Variants in NR1H4 observed in about 807,000 individuals in gnomAD.
NR1H4 encodes the protein bile acid receptor.
Under a neutral mutation model 58.5 loss-of-function variants are expected in NR1H4, and 23 were observed. That is an observed-to-expected ratio of 0.39 (90% CI 0.28 to 0.56). NR1H4 has a LOEUF of 0.56. Ranked by LOEUF, NR1H4 falls within the 20% of genes least tolerant of loss-of-function variation. The probability of loss-of-function intolerance (pLI) is 0.58; values close to 1 mark genes in which losing one functional copy is unlikely to be tolerated. For synonymous variants in NR1H4, 214 were observed against 198.0 expected (o/e 1.08, Z -0.68); for missense variants, 487 against 576.9 (o/e 0.84, Z 1.60).
intron 9 of NR1H4, among the ~76,000 whole-genome samples, chr12:100,559,402 G>A (rs1253503520): frequency 6.6e-6 from 1 of 152,218 alleles, no homozygotes. Context: ...AGCGGGAACC[G>A]GGGCTGCGTG....
At chr12:100,497,075 A>G (rs1463160634) in intron 3 of NR1H4, among the ~76,000 whole-genome samples, 1 of 152,148 alleles carries the variant, frequency 6.6e-6, no homozygotes, top group African/African-American at 2.4e-5. Flanking sequence ...GGGAAAACCA[A>G]AGAGGTCAGT....
chr12:100,543,222 C>T (rs1039236309), intron 9 of NR1H4, among the ~76,000 whole-genome samples: 3 of 152,008 alleles, frequency 2.0e-5, no homozygotes, highest in Non-Finnish European at 4.4e-5. Context: ...TTGAGGGTTA[C>T]ATTAAAGGGA....
At chr12:100,514,026 T>C (rs1032182243) in intron 4 of NR1H4, among the ~76,000 whole-genome samples, 1 of 152,208 alleles carries the variant, frequency 6.6e-6, no homozygotes, top group African/African-American at 2.4e-5. Flanking sequence ...TGGCTGGGGC[T>C]CTTACACTGG....
At chr12:100,474,180 T>C (rs1346198760) in intron 1 of NR1H4, 121 bp downstream of exon 1, 2 of 152,158 alleles carry the variant, frequency 1.3e-5, no homozygotes, top group Admixed American at 6.5e-5. Context: ...TCTAAGTTAG[T>C]AGAGTTTGAT....
intron 3 of NR1H4, among the ~76,000 whole-genome samples, chr12:100,503,784 A>G (rs1953892820): frequency 6.6e-6 from 1 of 152,256 alleles, no homozygotes; most frequent in African/African-American, 2.4e-5. Context: ...CAATTCTAAT[A>G]TTAATATCAA....
At chr12:100,509,142 A>T (rs1037060683) in intron 3 of NR1H4, among the ~76,000 whole-genome samples, 1 of 152,108 alleles carries the variant, frequency 6.6e-6, no homozygotes, top group Non-Finnish European at 1.5e-5. Flanking sequence ...TATCATCCCA[A>T]CCTTGCTGCC....
intron 4 of NR1H4, among the ~76,000 whole-genome samples, chr12:100,521,636 T>C (rs918323664): frequency 6.6e-6 from 1 of 152,150 alleles, no homozygotes; most frequent in Admixed American, 6.5e-5. Context: ...AATATATTTT[T>C]GTGTAGGATT....
At chr12:100,561,254 C>CT (rs943167659) in intron 9 of NR1H4, among the ~76,000 whole-genome samples, 1 of 151,772 alleles carries the variant, frequency 6.6e-6, no homozygotes, top group Non-Finnish European at 1.5e-5. Flanking sequence ...AAAAATTAGC[C>CT]GGGCGCGGTG....
chr12:100,552,874 TTGTGCCAC>T (rs1419380494), intron 9 of NR1H4, among the ~76,000 whole-genome samples: 1 of 152,020 alleles, frequency 6.6e-6, no homozygotes, highest in Non-Finnish European at 1.5e-5. Flanking sequence ...TGGGTTATGA[TTGTGCCAC>T]TGCACTCCAG....
intron 3 of NR1H4, among the ~76,000 whole-genome samples, chr12:100,504,296 T>G (rs1327854802): frequency 1.3e-5 from 2 of 152,188 alleles, no homozygotes; most frequent in Non-Finnish European, 2.9e-5. Context: ...AAGAAAAAAC[T>G]CGAGTCATTT....
intron 9 of NR1H4, among the ~76,000 whole-genome samples, chr12:100,545,663 A>AAAC (rs1955050149): frequency 4.7e-5 from 7 of 147,890 alleles, no homozygotes; most frequent in African/African-American, 1.3e-4. Context: ...AAAAAAAAAA[A>AAAC]AAAAAACCAA....
intron 4 of NR1H4, 35 bp from the exon 5 acceptor site, chr12:100,532,423 A>G: frequency 6.2e-7 from 1 of 1,612,260 alleles, no homozygotes; most frequent in Non-Finnish European, 8.5e-7. Context: ...AAGCTGTGAG[A>G]GGACTTTTTA....
chr12:100,548,345 CA>C (rs1303495095), intron 9 of NR1H4, among the ~76,000 whole-genome samples: 1 of 146,942 alleles, frequency 6.8e-6, no homozygotes, highest in African/African-American at 2.5e-5. Context: ...CCAGCCTGGG[CA>C]ACAGAGCAAG....
intron 9 of NR1H4, among the ~76,000 whole-genome samples, chr12:100,555,504 C>T (rs546783557): frequency 2.0e-5 from 3 of 151,762 alleles, no homozygotes; most frequent in African/African-American, 4.8e-5. Flanking sequence ...AAAGTTCACA[C>T]GTTTAATCTA....
chr12:100,499,857 C>A, intron 3 of NR1H4: 1 of 455,960 alleles, frequency 2.2e-6, no homozygotes, highest in Non-Finnish European at 4.4e-6. Flanking sequence ...TAACAGATTT[C>A]CTGGGTTGGT....
chr12:100,503,225 A>T lies in NR1H4; in HGVS notation c.80-7553A>T, dbSNP rs182811097. 1.2e-4 allele frequency: 100 copies of T among 815,162 alleles called. 2 individuals carry two copies. The East Asian group carries it at 3.1e-3, about 26-fold the overall frequency. 50.5% of individuals were successfully genotyped at this position (815,162 alleles called of 1,614,324 possible). ...TACTCCCCCAAAATGTTTATCTAAG[A>T]GACTGGTTTCCAGCTTACTAGGCAA... On this transcript the variant is annotated intron_variant, in intron 3 of 10. Transcript: ENST00000392986.
chr12:100,524,761 C>T (rs1305833188), intron 4 of NR1H4, among the ~76,000 whole-genome samples: 2 of 152,160 alleles, frequency 1.3e-5, no homozygotes, highest in Non-Finnish European at 2.9e-5. Context: ...GTTTTCTTTG[C>T]TTTTTGTATT....
At chr12:100,494,757 C>A (rs1953676768) in intron 3 of NR1H4, among the ~76,000 whole-genome samples, 1 of 152,194 alleles carries the variant, frequency 6.6e-6, no homozygotes, top group Non-Finnish European at 1.5e-5. Context: ...ATGATTTTTT[C>A]TTCTAGCAAT....
chr12:100,561,858 T>C, intron 9 of NR1H4, 27 bp from the exon 10 acceptor site: 1 of 923,742 alleles, frequency 1.1e-6, no homozygotes, highest in Non-Finnish European at 1.8e-6. Flanking sequence ...TCAAAAATTG[T>C]ATTATGATTG....
Sources: allele counts gnomAD v4.1 joint callset (sites outside exome capture counted in the v4.1 genomes callset), GRCh38; gene constraint gnomAD v4.1.1; transcripts MANE v1.5; gene names NCBI Gene and HGNC (gene_info 2026-07-23, HGNC 2026-07-21).